Variants in TENM3 observed in about 807,000 individuals in gnomAD.
TENM3 encodes teneurin-3.
TENM3 carries 63 observed loss-of-function variants against 255.1 expected under a neutral mutation model. The ratio of observed to expected loss-of-function variants is 0.25; its 90% CI spans 0.20 to 0.30. The LOEUF (loss-of-function observed/expected upper bound fraction) is 0.30, where lower values mean the gene tolerates loss of function less well. TENM3 is among the 10% of genes least tolerant of loss of function. The pLI, the probability that TENM3 is intolerant of heterozygous loss-of-function variation, is 1.00. For missense variants in TENM3, 2,929 were observed against 3,461.1 expected, an observed-to-expected ratio of 0.85 and a Z score of 3.86; for synonymous variants, 1,306 against 1,322.3, an observed-to-expected ratio of 0.99 and a Z score of 0.27.
chr4:181,776,146 GTCCT>G, the TENM3 span, among the ~76,000 whole-genome samples: 1,037 of 151,918 alleles, frequency 6.8e-3, 10 homozygotes, highest in Non-Finnish European at 0.012. Context: ...ATCCTTTTAG[GTCCT>G]TCATATCAGT....
chr4:182,565,445 C>T (rs1225043692), intron 3 of TENM3, among the ~76,000 whole-genome samples: 1 of 152,150 alleles, frequency 6.6e-6, no homozygotes, highest in East Asian at 1.9e-4. Flanking sequence ...GGTTCAGAAG[C>T]AGCTATCTCA....
chr4:182,500,770 A>G (rs1178894113), intron 3 of TENM3, among the ~76,000 whole-genome samples: 5 of 152,186 alleles, frequency 3.3e-5, no homozygotes, highest in African/African-American at 1.2e-4. Flanking sequence ...AATGGCCAAC[A>G]GGATAGAGGA....
chr4:182,242,776 C>T (rs6840036), upstream of TENM3, among the ~76,000 whole-genome samples: 60,035 of 151,968 alleles, frequency 0.4, 14,725 homozygotes, highest in African/African-American at 0.7. Context: ...ATAAAACTTA[C>T]TGGTTTTCCT....
the TENM3 span, among the ~76,000 whole-genome samples, chr4:181,456,095 A>ATG: frequency 1.1e-3 from 143 of 135,412 alleles, no homozygotes; most frequent in Admixed American, 4.3e-3. Flanking sequence ...TGGTAAATAT[A>ATG]TGTGTGTGTG....
chr4:182,720,023 C>G (rs148020681), intron 13 of TENM3, among the ~76,000 whole-genome samples: 8 of 152,060 alleles, frequency 5.3e-5, no homozygotes, highest in Non-Finnish European at 1.2e-4. Context: ...GATCGCGCCA[C>G]TGCACTCCAG....
At chr4:181,546,468 C>G in the TENM3 span, among the ~76,000 whole-genome samples, 1 of 151,112 alleles carries the variant, frequency 6.6e-6, no homozygotes, top group African/African-American at 2.4e-5. Flanking sequence ...GTAATCCCAG[C>G]ACTTTGGGAG....
the TENM3 span, among the ~76,000 whole-genome samples, chr4:182,066,612 A>G: frequency 5.3e-3 from 791 of 149,602 alleles, 5 homozygotes; most frequent in African/African-American, 0.018. Flanking sequence ...ATATATATAT[A>G]TATATATATA....
intron 6 of TENM3, among the ~76,000 whole-genome samples, chr4:182,667,823 T>C (rs1754836322): frequency 1.3e-5 from 2 of 151,762 alleles, no homozygotes; most frequent in South Asian, 2.1e-4. Flanking sequence ...TGGGGAGGGA[T>C]AGCATTAGGA....
At chr4:182,485,111 A>G (rs547749370) in intron 3 of TENM3, among the ~76,000 whole-genome samples, 1 of 152,252 alleles carries the variant, frequency 6.6e-6, no homozygotes, top group East Asian at 1.9e-4. Context: ...AGGCACTGAA[A>G]AATTGTGGTA....
chr4:181,499,824 G>A, the TENM3 span, among the ~76,000 whole-genome samples: 1 of 152,094 alleles, frequency 6.6e-6, no homozygotes, highest in Non-Finnish European at 1.5e-5. Flanking sequence ...TTTATACTTG[G>A]GATAAAAGAG....
chr4:182,297,321 C>T (rs1347431529), intron 1 of TENM3, among the ~76,000 whole-genome samples: 1 of 152,178 alleles, frequency 6.6e-6, no homozygotes, highest in African/African-American at 2.4e-5. Flanking sequence ...TTGGCAGTTT[C>T]CTATGGTCCA....
chr4:181,836,245 T>A, the TENM3 span, among the ~76,000 whole-genome samples: 3 of 151,488 alleles, frequency 2.0e-5, no homozygotes, highest in African/African-American at 7.3e-5. Flanking sequence ...TAATAGGAAT[T>A]CTAGTCAAAA....
At chr4:181,924,777 A>T in the TENM3 span, among the ~76,000 whole-genome samples, 4 of 152,168 alleles carry the variant, frequency 2.6e-5, no homozygotes. Context: ...CACACAAAAC[A>T]CACAACTTGA....
intron 3 of TENM3, among the ~76,000 whole-genome samples, chr4:182,415,585 A>AT (rs1227639880): frequency 6.6e-6 from 1 of 152,212 alleles, no homozygotes; most frequent in East Asian, 1.9e-4. Context: ...TGCATTAAAA[A>AT]TTTTAAACTA....
chr4:181,503,566 T>G, the TENM3 span, among the ~76,000 whole-genome samples: 1 of 152,174 alleles, frequency 6.6e-6, no homozygotes, highest in Non-Finnish European at 1.5e-5. Context: ...GTTTGCATCA[T>G]GTATCGGGGA....
chr4:182,194,987 C>T (rs748898724), intron 1 of TENM3, among the ~76,000 whole-genome samples: 2 of 150,306 alleles, frequency 1.3e-5, no homozygotes, highest in Non-Finnish European at 3.0e-5. Context: ...ATTATCACTG[C>T]AAGGCTTATG....
the TENM3 span, among the ~76,000 whole-genome samples, chr4:181,789,024 C>T: frequency 2.0e-5 from 3 of 152,106 alleles, no homozygotes; most frequent in Non-Finnish European, 4.4e-5. Context: ...AAGGCCTGAA[C>T]GCTGTTGGGA....
At chr4:182,260,436 A>G (rs1229687904) in intron 1 of TENM3, among the ~76,000 whole-genome samples, 2 of 152,232 alleles carry the variant, frequency 1.3e-5, no homozygotes, top group Non-Finnish European at 2.9e-5. Flanking sequence ...TATGAAAAAG[A>G]ACAAAAAAAG....
the TENM3 span, among the ~76,000 whole-genome samples, chr4:181,868,312 A>T: frequency 6.6e-6 from 1 of 151,714 alleles, no homozygotes; most frequent in East Asian, 1.9e-4. Flanking sequence ...GACTTCTAAC[A>T]CTGCAAATTT....
Sources: allele counts gnomAD v4.1 joint callset (sites outside exome capture counted in the v4.1 genomes callset), GRCh38; gene constraint gnomAD v4.1.1; transcripts MANE v1.5; gene names NCBI Gene and HGNC (gene_info 2026-07-23, HGNC 2026-07-21).